Variants in TADA2A observed in about 807,000 individuals in gnomAD.
TADA2A encodes transcriptional adaptor 2A.
Under a neutral mutation model 67.4 loss-of-function variants are expected in TADA2A, and 38 were observed. The observed-to-expected ratio is 0.56, with a 90% CI of 0.44 to 0.74. The LOEUF (loss-of-function observed/expected upper bound fraction) is 0.74. Ranked by LOEUF, TADA2A falls within the 30% of genes least tolerant of loss-of-function variation. The pLI, the probability that TADA2A is intolerant of heterozygous loss-of-function variation, is 0.00. For missense variants in TADA2A, 454 were observed against 547.0 expected (o/e 0.83, Z 1.70); for synonymous variants, 192 against 181.6 (o/e 1.06, Z -0.46).
rs193106425 is a variant in TADA2A, at chr17:37,436,780, C to T, written c.193-958C>T. Among the ~76,000 whole-genome samples, 10 of 151,362 alleles carry T rather than the reference C, an allele frequency of 6.6e-5. No homozygotes were observed. In the East Asian group the frequency reaches 1.9e-3, roughly 29 times the overall value. On this transcript the variant is annotated intron_variant, in intron 4 of 15. Transcript: ENST00000615182. ...TTCTCTTTCTTCCTCCCCATAGTAA[C>T]CTTTTTTTTTTTAAAGTGTGTTTTA...
chr17:37,422,278 T>A (rs1333439133), intron 2 of TADA2A, among the ~76,000 whole-genome samples: 1 of 146,586 alleles, frequency 6.8e-6, no homozygotes, highest in Non-Finnish European at 1.5e-5. Flanking sequence ...ACTCCTCACC[T>A]CATGATCCAC....
intron 3 of TADA2A, among the ~76,000 whole-genome samples, chr17:37,424,826 G>C (rs940124449): frequency 6.6e-6 from 1 of 152,000 alleles, no homozygotes; most frequent in African/African-American, 2.4e-5. Flanking sequence ...AAAGTGCTGG[G>C]ATTACAGGGC....
chr17:37,436,061 T>G (rs1179641122), intron 4 of TADA2A, among the ~76,000 whole-genome samples: 2 of 148,956 alleles, frequency 1.3e-5, no homozygotes, highest in African/African-American at 4.9e-5. Flanking sequence ...CAGCTATATC[T>G]TTTTTTTTTC....
chr17:37,457,961 G>A (rs1335939379), intron 8 of TADA2A, among the ~76,000 whole-genome samples: 4 of 152,142 alleles, frequency 2.6e-5, no homozygotes, highest in Non-Finnish European at 5.9e-5. Flanking sequence ...GGGTACATAT[G>A]CAGGTATATT....
intron 6 of TADA2A, among the ~76,000 whole-genome samples, chr17:37,441,452 T>C (rs537449516): frequency 6.6e-6 from 1 of 152,224 alleles, no homozygotes; most frequent in Non-Finnish European, 1.5e-5. Context: ...GTTGTGTCAG[T>C]GATGGCGAAC....
chr17:37,440,476 A>G (rs1320087112), intron 5 of TADA2A, 29 bp from the exon 6 acceptor site: 2 of 1,611,316 alleles, frequency 1.2e-6, no homozygotes, highest in South Asian at 1.1e-5. Flanking sequence ...TACAAGTACC[A>G]CTTCTCTCTT....
chr17:37,467,665 T>G, intron 12 of TADA2A, 140 bp downstream of exon 12: 1 of 682,376 alleles, frequency 1.5e-6, no homozygotes, highest in South Asian at 2.1e-5. Flanking sequence ...TCCAGTAAAG[T>G]TTTGGCTATT....
chr17:37,476,799 C>G lies in TADA2A; in HGVS notation c.1149C>G (p.Leu383=). 1.2e-6 allele frequency: 2 copies of G among 1,603,642 alleles called. No homozygotes were observed. The highest frequency in any genetic ancestry group is 1.1e-5 in the South Asian group (1 of 90,202). The change falls in exon 16 of 16, where the codon CTC becomes CTG. Residue 383 remains leucine, a splice_region_variant and synonymous_variant. Coordinates refer to ENST00000615182, the MANE Select transcript of TADA2A (RefSeq NM_001166105.3). ...TEKLNEKEKE[L]CQMVRLVPGA... ...ATTAAATTTGCCGTGTCTTGCAGCT[C>G]TGTCAGATGGTGAGGTTGGTCCCTG... is the stretch of plus-strand genomic sequence containing the variant.
chr17:37,463,793 A>C (rs1328406944), intron 10 of TADA2A, among the ~76,000 whole-genome samples: 1 of 151,674 alleles, frequency 6.6e-6, no homozygotes, highest in Non-Finnish European at 1.5e-5. Context: ...TCTACTAAAA[A>C]ATAAAAAAAA....
In TADA2A at chr17:37,450,285, G is replaced by T. The variant is rs371825657; in HGVS notation, c.604+5517G>T. 7.0e-4 allele frequency among the ~76,000 whole-genome samples: 107 copies of T among 152,212 alleles called. 1 individual carries two copies. Among genetic ancestry groups the T allele is most frequent in the African/African-American group, 2.6e-3 (106 of 41,538 alleles). ...TGTGTGCATCTTGGCCAAAAGCTTG[G>T]GGGGAAATGACTTAAATAGTGTTGC... On this transcript the variant is annotated intron_variant, in intron 8 of 15. Transcript: ENST00000615182.
rs35664546 is a variant in TADA2A, at chr17:37,464,838, C to CA, written c.713-578dup. ...TGGGCCACAGAGCAAGACTCCATCT[C>CA]AAAAAAAAAAAAAAAGACAGTGAGG... On this transcript the variant is annotated intron_variant, in intron 10 of 15. Transcript: ENST00000615182. Among the ~76,000 whole-genome samples the CA allele has an allele frequency of 2.3e-3, 278 of 119,446 alleles. 6 individuals carry two copies. The South Asian group carries it at 0.041, about 18-fold the overall frequency. 78.4% of individuals were successfully genotyped at this position (119,446 alleles called of 152,430 possible).
intron 2 of TADA2A, among the ~76,000 whole-genome samples, chr17:37,412,596 C>G (rs953198836): frequency 6.6e-6 from 1 of 151,904 alleles, no homozygotes; most frequent in African/African-American, 2.4e-5. Flanking sequence ...CCAGCCTGGC[C>G]AACAAGGCAA....
intron 2 of TADA2A, among the ~76,000 whole-genome samples, chr17:37,416,041 A>T (rs1384827424): frequency 6.6e-6 from 1 of 151,624 alleles, no homozygotes; most frequent in East Asian, 1.9e-4. Context: ...GTTTAAGGCC[A>T]TTTTATGTCT....
At chr17:37,409,070 A>C (rs896789587) in intron 1 of TADA2A, among the ~76,000 whole-genome samples, 6 of 152,174 alleles carry the variant, frequency 3.9e-5, no homozygotes, top group Non-Finnish European at 8.8e-5. Context: ...TATCCGATAT[A>C]GTCTCTGCTT....
At chr17:37,415,065 G>A (rs530745288) in intron 2 of TADA2A, among the ~76,000 whole-genome samples, 7 of 151,498 alleles carry the variant, frequency 4.6e-5, no homozygotes, top group Admixed American at 3.3e-4. Context: ...GCTAATTTTT[G>A]TATACGGGAT....
intron 8 of TADA2A, among the ~76,000 whole-genome samples, chr17:37,448,503 C>T (rs984775427): frequency 6.6e-6 from 1 of 152,180 alleles, no homozygotes; most frequent in Non-Finnish European, 1.5e-5. Flanking sequence ...AGAGAAGACT[C>T]ATATCTTAGA....
intron 9 of TADA2A, 134 bp from the exon 10 acceptor site, chr17:37,461,944 G>A: frequency 1.5e-6 from 1 of 666,356 alleles, no homozygotes; most frequent in Non-Finnish European, 2.6e-6. Context: ...AGAAATTTGT[G>A]GGAGTGACTT....
chr17:37,416,500 A>G (rs1173790151), intron 2 of TADA2A, among the ~76,000 whole-genome samples: 1 of 152,128 alleles, frequency 6.6e-6, no homozygotes, highest in Non-Finnish European at 1.5e-5. Flanking sequence ...TTTTGCCAAA[A>G]AAAGTTTTTT....
At chr17:37,449,017 GT>G (rs11321678) in intron 8 of TADA2A, among the ~76,000 whole-genome samples, 103,285 of 147,152 alleles carry the variant, frequency 0.7, 36,274 homozygotes, top group East Asian at 0.96. Flanking sequence ...TGATTTCACT[GT>G]TTTTTTTTTT....
Sources: allele counts gnomAD v4.1 joint callset (sites outside exome capture counted in the v4.1 genomes callset), GRCh38; gene constraint gnomAD v4.1.1; transcripts MANE v1.5; gene names NCBI Gene and HGNC (gene_info 2026-07-23, HGNC 2026-07-21).